ZNHIT3: variants seen among roughly 807,000 people sequenced by gnomAD.
ZNHIT3 encodes the protein zinc finger HIT-type containing 3.
Under a neutral mutation model 19.9 loss-of-function variants are expected in ZNHIT3, and 27 were observed. The observed-to-expected ratio is 1.36, with a 90% CI of 1.00 to 1.87. The LOEUF is 1.87. Ranked by LOEUF, ZNHIT3 falls within the 40% of genes most tolerant of loss-of-function variation. The pLI is 0.00. For synonymous variants in ZNHIT3, 81 were observed against 65.7 expected (o/e 1.23, Z -1.13); for missense variants, 215 against 185.6 (o/e 1.16, Z -0.92).
downstream of ZNHIT3, chr17:36,499,252 A>C (rs2071283184): frequency 7.9e-6 from 7 of 887,200 alleles, no homozygotes; most frequent in Non-Finnish European, 1.2e-5. Context: ...AGTTGCTGTC[A>C]AAGTTTCAAA....
chr17:36,496,503 T>A (rs1369917854), downstream of ZNHIT3: 4 of 1,174,088 alleles, frequency 3.4e-6, no homozygotes, highest in African/African-American at 6.1e-5. Context: ...CAAGAAGGTA[T>A]GGACAAGTAC....
At chr17:36,490,923 C>G (rs998530384) in intron 2 of ZNHIT3, 7 of 152,062 alleles carry the variant, frequency 4.6e-5, no homozygotes, top group Non-Finnish European at 8.8e-5. Context: ...TCAGGCAGTC[C>G]TCCTACCTCA....
Position 36,495,344 on chromosome 17 carries a change from T to G in ZNHIT3, c.408T>G (p.Phe136Leu). 1 of 1,613,290 alleles carries G rather than the reference T, an allele frequency of 6.2e-7. No individual in the cohort carries two copies. Among genetic ancestry groups the G allele is most frequent in the Admixed American group, 1.7e-5 (1 of 59,696 alleles). Residue 136 changes from phenylalanine to leucine, a missense_variant, in exon 5 of 5, where the codon TTT becomes TTG. Coordinates refer to ENST00000617429, the MANE Select transcript of ZNHIT3 (RefSeq NM_004773.4). ...LMRAYMQEPL[F>L]VEFADCCLGI... ...GAGCTTACATGCAAGAGCCTTTGTT[T>G]GTGGAGTTTGCAGACTGCTGTTTAG...
chr17:36,497,589 CT>C (rs746721426), downstream of ZNHIT3: 95,789 of 737,352 alleles, frequency 0.13, no homozygotes, highest in Non-Finnish European at 0.14. Flanking sequence ...CTAAACCAAA[CT>C]TTTTTTTTTT....
At chr17:36,487,639 C>G (rs1460011483) in intron 2 of ZNHIT3, among the ~76,000 whole-genome samples, 1 of 149,748 alleles carries the variant, frequency 6.7e-6, no homozygotes, top group Admixed American at 6.6e-5. Context: ...ACTAAAAATA[C>G]AAAAATTAGG....
chr17:36,496,935 C>T (rs928087048), downstream of ZNHIT3, among the ~76,000 whole-genome samples: 3 of 152,146 alleles, frequency 2.0e-5, no homozygotes, highest in Admixed American at 6.5e-5. Flanking sequence ...CACCTTTCCT[C>T]GGCCACTTTA....
rs1305689585 is a variant in ZNHIT3, at chr17:36,493,938, C to T, written c.218C>T (p.Ser73Phe). The T allele has an allele frequency of 6.2e-7, 1 of 1,613,256 alleles. No homozygotes were observed. The highest frequency in any genetic ancestry group is 8.5e-7 in the Non-Finnish European group (1 of 1,179,434). The change falls in exon 4 of 5, where the codon TCT (serine) becomes TTT (phenylalanine). Residue 73 changes from serine to phenylalanine, a missense_variant. Physicochemically the swap from Ser to Phe is radical, Grantham distance 155 (BLOSUM62 -2). Transcript: ENST00000617429. ...KPVENKDDDD[S>F]IADFLNSDEE... ...TTGTATTCCTTAGATGATGATGACTCTATAGCTGATTTTCTCAATAGTGAT... is the reference window on the plus strand; with the variant it reads ...TTGTATTCCTTAGATGATGATGACTTTATAGCTGATTTTCTCAATAGTGAT...
chr17:36,495,165 C>T, intron 4 of ZNHIT3, 58 bp from the exon 5 acceptor site: 1 of 1,509,900 alleles, frequency 6.6e-7, no homozygotes, highest in Non-Finnish European at 8.8e-7. Context: ...CACTTTTCAG[C>T]CATCTCCATG....
chr17:36,488,917 C>T (rs1298237038), intron 2 of ZNHIT3, among the ~76,000 whole-genome samples: 2 of 152,122 alleles, frequency 1.3e-5, no homozygotes, highest in Admixed American at 1.3e-4. Context: ...GAACTTATTC[C>T]TCCCATCTAG....
At chr17:36,496,473 C>T (rs1245148297), downstream of ZNHIT3, 10 of 1,514,098 alleles carry the variant, frequency 6.6e-6, no homozygotes, top group East Asian at 1.4e-4. Flanking sequence ...AACAACCCCA[C>T]AGAGCAGACG....
chr17:36,492,842 G>C lies in ZNHIT3; in HGVS notation c.148G>C (p.Glu50Gln). ...EQCNPETRPV[E>Q]KKIRSALPTK... The stretch of plus-strand genomic sequence containing the variant: ...GTGCAACCCTGAAACTCGTCCTGTT[G>C]AGAAAAAAATAAGATCAGCTCTTCC... The change falls in exon 3 of 5, where the codon GAG becomes CAG. Residue 50 changes from glutamate (E) to glutamine (Q), a missense_variant. Physicochemically the swap from Glu to Gln is conservative, Grantham distance 29 (BLOSUM62 2). Coordinates refer to ENST00000617429, the MANE Select transcript of ZNHIT3 (RefSeq NM_004773.4). 1 of 1,614,108 alleles carries C rather than the reference G, an allele frequency of 6.2e-7. No homozygotes were observed. Among genetic ancestry groups the C allele is most frequent in the East Asian group, 2.2e-5 (1 of 44,886 alleles).
At chr17:36,496,341 T>G, downstream of ZNHIT3, 1 of 1,613,728 alleles carries the variant, frequency 6.2e-7, no homozygotes. Context: ...TGCTGTAGGG[T>G]GAAGGTTCAG....
At chr17:36,489,205 T>C (rs998479874) in intron 2 of ZNHIT3, 2 of 152,254 alleles carry the variant, frequency 1.3e-5, no homozygotes, top group Non-Finnish European at 2.9e-5. Flanking sequence ...TGTTGGTGGA[T>C]CCTTAGGTTC....
At chr17:36,490,705 TTGG>T (rs1257177094) in intron 2 of ZNHIT3, 1 of 152,264 alleles carries the variant, frequency 6.6e-6, no homozygotes, top group Non-Finnish European at 1.5e-5. Context: ...ATTTTTCTTA[TTGG>T]TGGATATTTA....
Position 36,495,148 on chromosome 17 carries a change from A to C in ZNHIT3, c.287-75A>C, listed in dbSNP as rs559269341. 5.0e-5 allele frequency: 75 copies of C among 1,486,972 alleles called. No homozygotes were observed. The African/African-American group carries it at 8.6e-4, about 17-fold the overall frequency. 92.1% of individuals were successfully genotyped at this position (1,486,972 alleles called of 1,614,324 possible). A position where few individuals can be genotyped will look rare whatever the true frequency, so the allele number is the denominator to read the frequency against. On this transcript the variant is annotated intron_variant, in intron 4 of 4. Coordinates refer to ENST00000617429, the MANE Select transcript of ZNHIT3 (RefSeq NM_004773.4). ...CTGATAGTTTTATTACACTTGAAAT[A>C]GCTCTTCACTTTTCAGCCATCTCCA...
At chr17:36,498,835 T>G, downstream of ZNHIT3, 1 of 593,150 alleles carries the variant, frequency 1.7e-6, no homozygotes, top group Admixed American at 3.0e-5. Flanking sequence ...TTCTAAAGTG[T>G]ACATCCCAGA....
intron 2 of ZNHIT3, among the ~76,000 whole-genome samples, chr17:36,487,174 GCT>G (rs2070585856): frequency 6.6e-6 from 1 of 152,028 alleles, no homozygotes; most frequent in South Asian, 2.1e-4. Flanking sequence ...GCCTGTAATC[GCT>G]CTCAGGGTTT....
At chr17:36,496,433 T>C (rs768144659), downstream of ZNHIT3, 23 of 1,612,186 alleles carry the variant, frequency 1.4e-5, no homozygotes, top group Non-Finnish European at 1.9e-5. Flanking sequence ...GATGCAGCTT[T>C]AGCACTAGTT....
downstream of ZNHIT3, among the ~76,000 whole-genome samples, chr17:36,496,833 C>T (rs529950014): frequency 1.3e-5 from 2 of 152,232 alleles, no homozygotes; most frequent in South Asian, 2.1e-4. Context: ...AGACAGGCTC[C>T]GAGAAAATGT....
Sources: allele counts gnomAD v4.1 joint callset (sites outside exome capture counted in the v4.1 genomes callset), GRCh38; gene constraint gnomAD v4.1.1; transcripts MANE v1.5; gene names NCBI Gene and HGNC (gene_info 2026-07-23, HGNC 2026-07-21).